The following GRAMD1C variants were observed in gnomAD, a reference collection of about 807,000 sequenced individuals.
GRAMD1C encodes GRAM domain containing 1C.
GRAMD1C carries 89 observed loss-of-function variants against 97.8 expected under a neutral mutation model. The ratio of observed to expected loss-of-function variants is 0.91; its 90% CI spans 0.77 to 1.09. The LOEUF is 1.09. Ranked by LOEUF, GRAMD1C falls within the 50% of genes least tolerant of loss-of-function variation. The pLI, the probability that GRAMD1C is intolerant of heterozygous loss-of-function variation, is 0.00. For synonymous variants in GRAMD1C, 256 were observed against 267.0 expected, an observed-to-expected ratio of 0.96 and a Z score of 0.40; for missense variants, 740 against 766.4, an observed-to-expected ratio of 0.97 and a Z score of 0.41.
At chr3:113,853,314 G>A (rs1933987091) in intron 2 of GRAMD1C, among the ~76,000 whole-genome samples, 1 of 152,182 alleles carries the variant, frequency 6.6e-6, no homozygotes. Flanking sequence ...ATCACTGAGA[G>A]ATAAAGAGAG....
rs199701091 is a variant in GRAMD1C at position 113,933,538 on chromosome 3, C to T, written c.1237C>T (p.Arg413Ter). 18 of 1,611,726 alleles carry T rather than the reference C, an allele frequency of 1.1e-5. No individual in the cohort carries two copies. The highest frequency in any genetic ancestry group is 1.7e-4 in the Middle Eastern group (1 of 6,054). ...ACTGTATAAAGAAAGTCGGGAAGCA[C>T]GATTTTATTTGGTAGATTCAGAAGT... ...QTLYKESREARFYLVDSEVLT... is the reference protein window; with the variant it reads ...QTLYKESREA Residue 413 changes from arginine to a stop codon, truncating the protein, a stop_gained, in exon 12 of 18, where the codon CGA (arginine) becomes TGA (stop). Transcript: ENST00000358160. LOFTEE classifies it high-confidence loss of function.
chr3:113,841,015 T>G (rs1361291476), intron 1 of GRAMD1C, among the ~76,000 whole-genome samples: 2 of 152,194 alleles, frequency 1.3e-5, no homozygotes, highest in Non-Finnish European at 2.9e-5. Flanking sequence ...GAAGACCAAC[T>G]ATGGCTGAGG....
At chr3:113,861,701 G>A (rs1206106039) in intron 2 of GRAMD1C, among the ~76,000 whole-genome samples, 1 of 152,104 alleles carries the variant, frequency 6.6e-6, no homozygotes, top group Non-Finnish European at 1.5e-5. Context: ...AATGTTAATA[G>A]ACATTTCTCC....
Position 113,849,707 on chromosome 3 carries a change from G to T in GRAMD1C, c.174+5058G>T, listed in dbSNP as rs183594227. ...ATGTATACTTCTTTCTACACAGACAGGGCAACCATCCGATTTCTCAATCTT... is the reference window on the plus strand; with the variant it reads ...ATGTATACTTCTTTCTACACAGACATGGCAACCATCCGATTTCTCAATCTT... On this transcript the variant is annotated intron_variant, in intron 2 of 17. Transcript: ENST00000358160. Among the ~76,000 whole-genome samples, 129 of 152,288 alleles carry T rather than the reference G, an allele frequency of 8.5e-4. 1 individual carries two copies. Among genetic ancestry groups the T allele is most frequent in the Middle Eastern group, 3.4e-3 (1 of 294 alleles).
intron 10 of GRAMD1C, among the ~76,000 whole-genome samples, chr3:113,927,321 C>T (rs1318765751): frequency 6.6e-6 from 1 of 152,154 alleles, no homozygotes; most frequent in African/African-American, 2.4e-5. Flanking sequence ...TTGACTGGCT[C>T]TGTGCCCATG....
At chr3:113,882,931 T>A in intron 6 of GRAMD1C, 99 bp downstream of exon 6, 1 of 564,072 alleles carries the variant, frequency 1.8e-6, no homozygotes, top group Non-Finnish European at 3.2e-6. Flanking sequence ...TAAATTTGAC[T>A]AGATAATTGA....
chr3:113,850,501 A>T, intron 2 of GRAMD1C: 1 of 1,557,880 alleles, frequency 6.4e-7, no homozygotes, highest in Non-Finnish European at 8.8e-7. Context: ...TCATGGAGAT[A>T]CTGGATGCCC....
intron 2 of GRAMD1C, among the ~76,000 whole-genome samples, chr3:113,849,834 T>G (rs1291799521): frequency 3.4e-4 from 52 of 151,458 alleles, no homozygotes; most frequent in African/African-American, 7.0e-4. Flanking sequence ...GGTGGTGGCC[T>G]GGCAGAGGGG....
Position 113,925,909 on chromosome 3 carries a change from A to G in GRAMD1C, c.1091-4805A>G, listed in dbSNP as rs1452860799. Among the ~76,000 whole-genome samples the G allele has an allele frequency of 3.9e-5, 6 of 152,228 alleles. No individual in the cohort carries two copies. In the South Asian group the frequency reaches 1.2e-3, roughly 32 times the overall value. On this transcript the variant is annotated intron_variant, in intron 10 of 17. Transcript: ENST00000358160. ...AATATAGGCCCTCAAGCCCTCAAAT[A>G]TAGAGTTTCTGCTGTTAGCCTGATA...
intron 2 of GRAMD1C, chr3:113,850,576 TGA>T (rs1933852678): frequency 1.1e-5 from 17 of 1,605,968 alleles, no homozygotes; most frequent in Non-Finnish European, 1.4e-5. Flanking sequence ...CCTCAGGACT[TGA>T]GAGACTGCAT....
chr3:113,936,294 A>G lies in GRAMD1C; in HGVS notation c.1485A>G (p.Val495=). Residue 495 remains valine, a synonymous_variant, in exon 14 of 18, where the codon GTA becomes GTG. Transcript: ENST00000358160. ...CAGATTTGTTAATTGAAGAATCTGT[A>G]TTAAATCAGGCCATTGAAGACCCTG... The part of the protein sequence containing the change: ...LESDLLIEES[V]LNQAIEDPGK... 1.3e-6 allele frequency: 2 copies of G among 1,599,374 alleles called. No individual in the cohort carries two copies. Among genetic ancestry groups the G allele is most frequent in the East Asian group, 2.2e-5 (1 of 44,776 alleles).
intron 6 of GRAMD1C, among the ~76,000 whole-genome samples, chr3:113,887,333 T>C (rs13080510): frequency 2.0e-5 from 3 of 150,400 alleles, no homozygotes; most frequent in Non-Finnish European, 3.0e-5. Context: ...CTCTGGTGTT[T>C]CACCCACCTT....
In GRAMD1C at chr3:113,891,886, C is replaced by CA. The variant is rs558071439; in HGVS notation, c.540+9066dup. Among the ~76,000 whole-genome samples the CA allele has an allele frequency of 1.8e-3, 236 of 134,700 alleles. 1 individual carries two copies. Among genetic ancestry groups the CA allele is most frequent in the South Asian group, 7.5e-3 (32 of 4,282 alleles). The allele number at this position is 134,700 out of a possible 152,430, so 88.4% of individuals were successfully genotyped here. On this transcript the variant is annotated intron_variant, in intron 6 of 17. Coordinates refer to ENST00000358160, the MANE Select transcript of GRAMD1C (RefSeq NM_017577.5). ...TGGTTGACAGAGTGAGACACTGTCT[C>CA]AAAAAAAAAAAATTAAGTTCAGAAT...
intron 2 of GRAMD1C, among the ~76,000 whole-genome samples, chr3:113,847,676 G>T (rs1311736515): frequency 2.0e-5 from 3 of 152,170 alleles, no homozygotes; most frequent in African/African-American, 7.2e-5. Flanking sequence ...TCACTGAGGG[G>T]TCTAAAATTA....
intron 8 of GRAMD1C, among the ~76,000 whole-genome samples, chr3:113,905,239 G>C (rs1167320648): frequency 6.6e-6 from 1 of 152,080 alleles, no homozygotes; most frequent in East Asian, 1.9e-4. Flanking sequence ...TGGTTCCTTT[G>C]GCCTTTTGAA....
At chr3:113,850,634 G>C (rs1055833276) in intron 2 of GRAMD1C, 12 of 1,607,412 alleles carry the variant, frequency 7.5e-6, no homozygotes, top group Non-Finnish European at 1.0e-5. Context: ...CTGCCAGCTC[G>C]GGTGCTTAGG....
At chr3:113,876,807 A>G (rs1935056561) in intron 5 of GRAMD1C, among the ~76,000 whole-genome samples, 1 of 151,134 alleles carries the variant, frequency 6.6e-6, no homozygotes, top group Non-Finnish European at 1.5e-5. Context: ...AAGTGTAGTG[A>G]TGAGAAAGAA....
chr3:113,924,899 A>G (rs1274412362), intron 10 of GRAMD1C, among the ~76,000 whole-genome samples: 1 of 152,148 alleles, frequency 6.6e-6, no homozygotes, highest in Non-Finnish European at 1.5e-5. Flanking sequence ...TTGTGTGGTT[A>G]TCTGAGTCTC....
In GRAMD1C at chr3:113,876,241, TAGTTACAGAAA is replaced by T; in HGVS notation, c.441_451del (p.Ile147MetfsTer2). ...CGACTCATCCCAAACGCTATCCAGA[TAGTTACAGAAA>T]GTGAAAAGGTGAAAACTTTCCTATC... On this transcript the variant is annotated frameshift_variant, in exon 5 of 18. Transcript: ENST00000358160. LOFTEE classifies it high-confidence loss of function. The T allele has an allele frequency of 8.2e-6, 13 of 1,583,432 alleles. No homozygotes were observed. The highest frequency in any genetic ancestry group is 1.1e-5 in the Non-Finnish European group (13 of 1,152,964).
Sources: allele counts gnomAD v4.1 joint callset (sites outside exome capture counted in the v4.1 genomes callset), GRCh38; gene constraint gnomAD v4.1.1; transcripts MANE v1.5; gene names NCBI Gene and HGNC (gene_info 2026-07-23, HGNC 2026-07-21).